Variants in SPATA22 observed in about 807,000 individuals in gnomAD.
SPATA22 encodes spermatogenesis-associated protein 22.
In SPATA22, 29 loss-of-function variants were observed where a neutral mutation model predicts 47.8. The observed-to-expected ratio is 0.61, with a 90% confidence interval of 0.45 to 0.83. The LOEUF is 0.83. SPATA22 is among the 40% of genes least tolerant of loss of function. SPATA22 has a pLI of 0.00. For synonymous variants in SPATA22, 133 were observed against 140.9 expected (o/e 0.94, Z 0.40); for missense variants, 410 against 421.7 (o/e 0.97, Z 0.24).
At chr17:3,491,034 C>A (rs569026019) in intron 1 of SPATA22, among the ~76,000 whole-genome samples, 22 of 152,276 alleles carry the variant, frequency 1.4e-4, no homozygotes, top group African/African-American at 4.3e-4. Context: ...TCATAGCCGC[C>A]ATGTGAAAAG....
chr17:3,512,653 G>C (rs2074128569), intron 1 of SPATA22: 1 of 151,974 alleles, frequency 6.6e-6, no homozygotes, highest in African/African-American at 2.4e-5. Context: ...CAGTCACCTG[G>C]AAAATCCTTC....
At chr17:3,484,033 T>G (rs2073679117) in intron 1 of SPATA22, among the ~76,000 whole-genome samples, 1 of 152,186 alleles carries the variant, frequency 6.6e-6, no homozygotes, top group Non-Finnish European at 1.5e-5. Context: ...AACAAGCAAT[T>G]TAGCTCCAGG....
chr17:3,460,064 T>C (rs954848678), intron 5 of SPATA22, among the ~76,000 whole-genome samples: 3 of 152,232 alleles, frequency 2.0e-5, no homozygotes, highest in South Asian at 4.1e-4. Context: ...ATTCTAAGTA[T>C]TCCACACACA....
upstream of SPATA22, among the ~76,000 whole-genome samples, chr17:3,474,937 G>C (rs1161514400): frequency 6.6e-6 from 1 of 152,194 alleles, no homozygotes; most frequent in Non-Finnish European, 1.5e-5. Context: ...CCTTAACTGA[G>C]TTACTTAACC....
intron 1 of SPATA22, chr17:3,489,209 G>A (rs1157407873): frequency 1.9e-5 from 25 of 1,320,666 alleles, no homozygotes; most frequent in Admixed American, 1.0e-4. Flanking sequence ...TTATATAAAT[G>A]TGACTATCTC....
intron 5 of SPATA22, among the ~76,000 whole-genome samples, chr17:3,450,499 C>T (rs2072833003): frequency 6.6e-6 from 1 of 152,164 alleles, no homozygotes; most frequent in Non-Finnish European, 1.5e-5. Flanking sequence ...ACACTGATCA[C>T]TTCTTCATAC....
chr17:3,449,239 T>C (rs2072802402), intron 5 of SPATA22, 90 bp from the exon 6 acceptor site: 10 of 977,404 alleles, frequency 1.0e-5, no homozygotes, highest in Middle Eastern at 3.2e-4. Context: ...TATATGGCAA[T>C]TTATGACTTA....
intron 1 of SPATA22, among the ~76,000 whole-genome samples, chr17:3,482,982 G>C (rs970267243): frequency 4.6e-5 from 6 of 129,178 alleles, no homozygotes; most frequent in Non-Finnish European, 9.4e-5. Flanking sequence ...AAGAGAGAGC[G>C]GAATGCTTTG....
At chr17:3,468,958 G>C (rs114239016) in intron 2 of SPATA22, 13 of 493,056 alleles carry the variant, frequency 2.6e-5, no homozygotes, top group Admixed American at 6.0e-5. Flanking sequence ...AAGTGCTTCC[G>C]GAAATATTTT....
intron 1 of SPATA22, among the ~76,000 whole-genome samples, chr17:3,493,116 A>G (rs2073851580): frequency 1.3e-5 from 2 of 152,208 alleles, no homozygotes; most frequent in South Asian, 4.1e-4. Flanking sequence ...GCTCAGAGAT[A>G]GCCTGGTATA....
chr17:3,440,242 G>T lies in SPATA22; in HGVS notation c.997C>A (p.Pro333Thr). ...GTTTTTTGTTCAGAAACAGACGCCGGTCTGACAGAAACACATTGGAAAATG... is the reference window on the plus strand; with the variant it reads ...GTTTTTTGTTCAGAAACAGACGCCGTTCTGACAGAAACACATTGGAAAATG... ...KNIFQCVSVR[P>T]ASVSEQKTFQ... Residue 333 changes from proline (P) to threonine (T), a missense_variant, in exon 9 of 9, where the codon CCG becomes ACG. Coordinates refer to ENST00000572969, the MANE Select transcript of SPATA22 (RefSeq NM_001170698.2). 6.2e-7 allele frequency: 1 copy of T among 1,611,670 alleles called. No homozygotes were observed. The highest frequency in any genetic ancestry group is 8.5e-7 in the Non-Finnish European group (1 of 1,178,714).
chr17:3,450,683 T>G (rs1567595038), intron 5 of SPATA22, among the ~76,000 whole-genome samples: 2 of 152,220 alleles, frequency 1.3e-5, no homozygotes, highest in Non-Finnish European at 2.9e-5. Flanking sequence ...TTGTCTTTCC[T>G]CACTCTCATG....
At chr17:3,499,107 A>G in intron 1 of SPATA22, 1 of 1,609,602 alleles carries the variant, frequency 6.2e-7, no homozygotes, top group Non-Finnish European at 8.5e-7. Flanking sequence ...TCCAGCTTAC[A>G]TCTTACACGG....
Position 3,443,217 on chromosome 17 carries a change from A to G in SPATA22, c.857T>C (p.Met286Thr), listed in dbSNP as rs2072636575. 1.2e-6 allele frequency: 2 copies of G among 1,611,090 alleles called. No individual in the cohort carries two copies. Among genetic ancestry groups the G allele is most frequent in the Admixed American group, 1.7e-5 (1 of 59,706 alleles). ...AGGCAGAGTATTTTTCCCATCCCTC[A>G]TAAGAAAAGTCTTCGAATAATATGG... ...PGPYYSKTFL[M>T]RDGKNTLPCV... The change falls in exon 8 of 9, where the codon ATG (methionine) becomes ACG (threonine). Residue 286 changes from methionine to threonine, a missense_variant. Transcript: ENST00000572969.
At position 3,449,123 on chromosome 17, in the gene SPATA22, C is replaced by T. The variant is rs771892496; in HGVS notation, c.356G>A (p.Ser119Asn). Residue 119 changes from serine to asparagine, a missense_variant, in exon 6 of 9, where the codon AGC becomes AAC. Transcript: ENST00000572969. The part of the protein sequence containing the change: ...WSYRDGNKNT[S>N]LKTWNKNDFK... The stretch of plus-strand genomic sequence containing the variant: ...ATCATTTTTATTCCAAGTTTTCAAG[C>T]TGGTATTTTTGTTACCATCTCTGTA... The T allele has an allele frequency of 6.2e-7, 1 of 1,607,008 alleles. No homozygotes were observed. The highest frequency in any genetic ancestry group is 8.5e-7 in the Non-Finnish European group (1 of 1,177,532).
chr17:3,506,992 A>AAGGAAGGG (rs1555542246), intron 1 of SPATA22, among the ~76,000 whole-genome samples: 3 of 141,196 alleles, frequency 2.1e-5, no homozygotes, highest in Non-Finnish European at 3.1e-5. Flanking sequence ...AAAGAGAAGG[A>AAGGAAGGG]AGGGAGGGAG....
chr17:3,456,548 A>G (rs1411654431), intron 5 of SPATA22, among the ~76,000 whole-genome samples: 7 of 152,146 alleles, frequency 4.6e-5, no homozygotes, highest in African/African-American at 1.7e-4. Flanking sequence ...AAATTGAGGC[A>G]ATAATCAATA....
In SPATA22 at chr17:3,490,052, A is replaced by C. The variant is rs1170181103; in HGVS notation, c.-73-20654T>G. ...AGTTGCAGACCAAGACATTCAGTAC[A>C]CCAATTGGCTTTAAAATAACAATAA... On this transcript the variant is annotated intron_variant, in intron 1 of 8. Coordinates refer to the SPATA22 transcript ENST00000541913. The surrounding 1 kb of genome is among the most constrained non-coding windows in gnomAD (Gnocchi z 4.6). Among the ~76,000 whole-genome samples, 2 of 152,318 alleles carry C rather than the reference A, an allele frequency of 1.3e-5. No homozygotes were observed. The highest frequency in any genetic ancestry group is 1.9e-4 in the East Asian group (1 of 5,186).
chr17:3,492,249 A>G (rs12946424), intron 1 of SPATA22, among the ~76,000 whole-genome samples: 126,375 of 152,216 alleles, frequency 0.83, 53,303 homozygotes, highest in Non-Finnish European at 0.9. Flanking sequence ...GTAAGAAGTC[A>G]TCTTCTGCAT....
Sources: gnomAD v4.1 joint callset for allele counts (sites outside exome capture counted in the v4.1 genomes callset) on GRCh38, gnomAD v4.1.1 for gene constraint, Gnocchi (gnomAD v3.1) non-coding constraint, MANE v1.5 for transcripts, NCBI Gene and HGNC (gene_info 2026-07-23, HGNC 2026-07-21) for gene names.